The following FHIT variants were observed in gnomAD, a reference collection of about 807,000 sequenced individuals.
The protein encoded by FHIT is fragile histidine triad diadenosine triphosphatase, also known as bis(5'-adenosyl)-triphosphatase.
Under a neutral mutation model 17.9 loss-of-function variants are expected in FHIT, and 19 were observed. The ratio of observed to expected loss-of-function variants is 1.06; its 90% CI spans 0.74 to 1.56. The LOEUF (loss-of-function observed/expected upper bound fraction) is 1.56, where lower values mean the gene tolerates loss of function less well. FHIT is among the 40% of genes most tolerant of loss of function. The pLI, the probability that FHIT is intolerant of heterozygous loss-of-function variation, is 0.00. For synonymous variants in FHIT, 81 were observed against 69.7 expected (o/e 1.16, Z -0.81); for missense variants, 248 against 189.2 (o/e 1.31, Z -1.82).
intron 7 of FHIT, among the ~76,000 whole-genome samples, chr3:60,003,688 T>G (rs138084267): frequency 7.9e-5 from 12 of 151,102 alleles, no homozygotes; most frequent in African/African-American, 2.7e-4. Flanking sequence ...GAGGTTTTAA[T>G]AAGCCGAGAT....
At position 60,144,176 on chromosome 3, in the gene FHIT, G is replaced by A. The variant is rs1289338746; in HGVS notation, c.104-130024C>T. 3.9e-5 allele frequency among the ~76,000 whole-genome samples: 6 copies of A among 152,112 alleles called. No individual in the cohort carries two copies. The South Asian group carries it at 1.0e-3, about 26-fold the overall frequency. ...GAGCAAAGCTATCCAGCATCCATACGGCAGAAGTTGTTATGGGGACTTATT... is the reference window on the plus strand; with the variant it reads ...GAGCAAAGCTATCCAGCATCCATACAGCAGAAGTTGTTATGGGGACTTATT... On this transcript the variant is annotated intron_variant, in intron 5 of 9. Coordinates refer to ENST00000492590, the MANE Select transcript of FHIT (RefSeq NM_002012.4).
intron 5 of FHIT, among the ~76,000 whole-genome samples, chr3:60,376,430 T>C (rs1700565269): frequency 6.6e-6 from 1 of 152,194 alleles, no homozygotes; most frequent in Admixed American, 6.5e-5. Context: ...CACCAGAAAT[T>C]ATAAAAATCA....
At chr3:60,564,554 A>C (rs1482545485) in intron 4 of FHIT, among the ~76,000 whole-genome samples, 2 of 152,192 alleles carry the variant, frequency 1.3e-5, no homozygotes, top group Admixed American at 6.5e-5. Flanking sequence ...GAACATTCAT[A>C]ATGCATGGGA....
chr3:60,713,386 A>C (rs1318643202), intron 4 of FHIT, among the ~76,000 whole-genome samples: 1 of 151,270 alleles, frequency 6.6e-6, no homozygotes, highest in East Asian at 1.9e-4. Flanking sequence ...GCAAGAGCAA[A>C]CACATTCAAA....
chr3:60,053,286 C>A (rs1283843700), intron 5 of FHIT, among the ~76,000 whole-genome samples: 1 of 150,516 alleles, frequency 6.6e-6, no homozygotes, highest in Non-Finnish European at 1.5e-5. Context: ...ATATGTCAGT[C>A]CATAAACATT....
At chr3:60,583,188 T>C (rs890102486) in intron 4 of FHIT, among the ~76,000 whole-genome samples, 3 of 152,076 alleles carry the variant, frequency 2.0e-5, no homozygotes, top group Admixed American at 6.6e-5. Flanking sequence ...ACTGGTTTTA[T>C]ATTTTAACAG....
intron 3 of FHIT, among the ~76,000 whole-genome samples, chr3:60,910,435 G>C (rs1553765580): frequency 6.9e-6 from 1 of 145,680 alleles, no homozygotes; most frequent in African/African-American, 2.6e-5. Flanking sequence ...TTTCCCAGAC[G>C]GAGTCTCGCT....
intron 3 of FHIT, among the ~76,000 whole-genome samples, chr3:60,827,218 C>T (rs2106797491): frequency 6.6e-6 from 1 of 152,238 alleles, no homozygotes; most frequent in South Asian, 2.1e-4. Flanking sequence ...CCAAAGTGAC[C>T]TGAATACTTC....
At chr3:60,971,790 A>T (rs1452339136) in intron 3 of FHIT, among the ~76,000 whole-genome samples, 1 of 152,162 alleles carries the variant, frequency 6.6e-6, no homozygotes, top group Non-Finnish European at 1.5e-5. Flanking sequence ...CCGTTAATTC[A>T]TTAAAATAAA....
intron 4 of FHIT, among the ~76,000 whole-genome samples, chr3:60,567,655 C>T (rs1221075614): frequency 2.0e-5 from 3 of 152,190 alleles, no homozygotes; most frequent in African/African-American, 7.2e-5. Flanking sequence ...AAACTACCAT[C>T]AGAGTGAACA....
intron 7 of FHIT, among the ~76,000 whole-genome samples, chr3:59,979,740 T>C (rs1051659752): frequency 6.6e-6 from 1 of 152,214 alleles, no homozygotes; most frequent in Admixed American, 6.5e-5. Context: ...GTCGCTATAC[T>C]CCCACCCTGC....
intron 5 of FHIT, among the ~76,000 whole-genome samples, chr3:60,319,238 C>T (rs753515763): frequency 2.0e-5 from 3 of 152,104 alleles, no homozygotes; most frequent in Non-Finnish European, 2.9e-5. Context: ...CTTCTTAATA[C>T]TAGTTCATTC....
chr3:61,230,739 T>C (rs536454202), intron 1 of FHIT, among the ~76,000 whole-genome samples: 1 of 152,272 alleles, frequency 6.6e-6, no homozygotes, highest in Admixed American at 6.5e-5. Context: ...TTAAATGTCT[T>C]TGCTTGGCAG....
intron 3 of FHIT, among the ~76,000 whole-genome samples, chr3:60,832,091 C>A (rs187364189): frequency 6.6e-6 from 1 of 152,172 alleles, no homozygotes; most frequent in African/African-American, 2.4e-5. Context: ...TAATAGGCAG[C>A]ATTTATATAA....
intron 3 of FHIT, among the ~76,000 whole-genome samples, chr3:61,040,655 G>A (rs542103611): frequency 2.8e-4 from 43 of 152,256 alleles, no homozygotes; most frequent in Non-Finnish European, 4.7e-4. Flanking sequence ...GACTACACAC[G>A]GCCCAAGGGT....
chr3:60,677,583 G>C (rs1256899047), intron 4 of FHIT, among the ~76,000 whole-genome samples: 2 of 151,942 alleles, frequency 1.3e-5, no homozygotes, highest in Non-Finnish European at 2.9e-5. Flanking sequence ...ATGTGTATAT[G>C]TATATACATG....
At chr3:60,902,890 A>G (rs1256513192) in intron 3 of FHIT, among the ~76,000 whole-genome samples, 1 of 152,194 alleles carries the variant, frequency 6.6e-6, no homozygotes, top group East Asian at 1.9e-4. Flanking sequence ...GCATAGAAAG[A>G]AATCTTTCAT....
chr3:60,220,088 T>C (rs573463453), intron 5 of FHIT, among the ~76,000 whole-genome samples: 2 of 152,292 alleles, frequency 1.3e-5, no homozygotes, highest in South Asian at 4.1e-4. Context: ...ACATGAATTT[T>C]AGATCTAAAT....
chr3:59,914,603 A>C (rs1003176368), intron 8 of FHIT, among the ~76,000 whole-genome samples: 2 of 152,200 alleles, frequency 1.3e-5, no homozygotes, highest in African/African-American at 4.8e-5. Flanking sequence ...GGGACTTTAA[A>C]ATTGTATTAA....
Sources: allele counts gnomAD v4.1 joint callset (sites outside exome capture counted in the v4.1 genomes callset), GRCh38; gene constraint gnomAD v4.1.1; transcripts MANE v1.5; gene names NCBI Gene and HGNC (gene_info 2026-07-23, HGNC 2026-07-21).